CSNK2A1: variants seen among roughly 807,000 people sequenced by gnomAD.
CSNK2A1 encodes the protein casein kinase II subunit alpha.
A neutral mutation model predicts 62.9 loss-of-function variants in CSNK2A1; 10 were observed. That is an observed-to-expected ratio of 0.16 (90% confidence interval 0.10 to 0.27). The LOEUF (loss-of-function observed/expected upper bound fraction) is 0.27, where lower values mean the gene tolerates loss of function less well. Ranked by LOEUF, CSNK2A1 falls within the 10% of genes least tolerant of loss-of-function variation. The probability of loss-of-function intolerance (pLI) is 1.00; values close to 1 mark genes in which losing one functional copy is unlikely to be tolerated. For synonymous variants in CSNK2A1, 124 were observed against 167.8 expected (o/e 0.74, Z 2.02); for missense variants, 160 against 492.0 (o/e 0.33, Z 6.38).
At chr20:531,344 A>T (rs1202177683) in intron 1 of CSNK2A1, among the ~76,000 whole-genome samples, 1 of 152,164 alleles carries the variant, frequency 6.6e-6, no homozygotes, top group Non-Finnish European at 1.5e-5. Context: ...CAATGGAGAT[A>T]CCACACGTAA....
At chr20:534,873 CAAA>C (rs779243946) in intron 1 of CSNK2A1, among the ~76,000 whole-genome samples, 3 of 115,146 alleles carry the variant, frequency 2.6e-5, no homozygotes, top group Admixed American at 8.9e-5. Flanking sequence ...TACTAAAATA[CAAA>C]AAAAAAAAAA....
intron 6 of CSNK2A1, chr20:498,335 C>CTTTTTTTTTTTTTTTTTTT (rs11477158): frequency 1.7e-5 from 2 of 119,666 alleles, no homozygotes; most frequent in African/African-American, 6.4e-5. Flanking sequence ...ATGGACATAT[C>CTTTTTTTTTTTTTTTTTTT]TTTTTTTTTT....
rs464331 is a variant in CSNK2A1, at chr20:479,010, T to A, written c.*4951A>T. 0.31 allele frequency: 48,058 copies of A among 153,718 alleles called. 8,166 individuals are homozygous for A. Among genetic ancestry groups the A allele is most frequent in the East Asian group, 0.68 (3,490 of 5,168 alleles). The allele number at this position is 153,718 out of a possible 1,614,324, so 9.5% of individuals were successfully genotyped here. On this transcript the variant is annotated 3_prime_UTR_variant, in exon 14 of 14. Transcript: ENST00000217244. Reference sequence around the variant, plus strand: ...TTGTAATTTGCTACAGTGCAAAATATCTGGCTTTCCATAGAGGGAGTGGGA... The same window carrying A: ...TTGTAATTTGCTACAGTGCAAAATAACTGGCTTTCCATAGAGGGAGTGGGA...
chr20:486,496 T>G (rs758210939), intron 12 of CSNK2A1, 34 bp from the exon 13 acceptor site: 1 of 1,610,174 alleles, frequency 6.2e-7, no homozygotes, highest in Non-Finnish European at 8.5e-7. Context: ...GGTTCTGTTT[T>G]GCTTGAAAGA....
chr20:513,431 C>T (rs549470727), intron 2 of CSNK2A1, among the ~76,000 whole-genome samples: 1 of 152,344 alleles, frequency 6.6e-6, no homozygotes, highest in South Asian at 2.1e-4. Context: ...TAATTACTAT[C>T]CCCTAGCTCC....
At chr20:540,972 A>T (rs2019438378) in intron 1 of CSNK2A1, 1 of 152,174 alleles carries the variant, frequency 6.6e-6, no homozygotes, top group Non-Finnish European at 1.5e-5. Context: ...CAGGTTGTTG[A>T]CCAAATTCAG....
chr20:541,793 A>G (rs1311012452), intron 1 of CSNK2A1, among the ~76,000 whole-genome samples: 1 of 152,326 alleles, frequency 6.6e-6, no homozygotes. Flanking sequence ...CTAACTGTAT[A>G]ATCAGTTGAT....
intron 2 of CSNK2A1, among the ~76,000 whole-genome samples, chr20:515,918 G>A (rs1484917341): frequency 6.6e-6 from 1 of 152,162 alleles, no homozygotes; most frequent in Admixed American, 6.5e-5. Flanking sequence ...TTGAGTAATT[G>A]TTCCCTTCCC....
At chr20:505,682 T>A (rs1372993997) in intron 3 of CSNK2A1, among the ~76,000 whole-genome samples, 9 of 150,618 alleles carry the variant, frequency 6.0e-5, no homozygotes, top group Non-Finnish European at 7.4e-5. Flanking sequence ...TTTTTTTTTT[T>A]AAATTAGGCC....
At chr20:524,989 C>T (rs2019047283) in intron 2 of CSNK2A1, among the ~76,000 whole-genome samples, 1 of 151,642 alleles carries the variant, frequency 6.6e-6, no homozygotes, top group South Asian at 2.1e-4. Flanking sequence ...GGTGCATGCA[C>T]CTGTGTCCTA....
intron 8 of CSNK2A1, among the ~76,000 whole-genome samples, chr20:493,760 C>T (rs1568509871): frequency 6.6e-6 from 1 of 152,222 alleles, no homozygotes. Flanking sequence ...TCACCACACA[C>T]ATGTCCTGTG....
chr20:543,691 G>T lies in CSNK2A1; in HGVS notation c.-246C>A. 2.5e-6 allele frequency: 1 copy of T among 398,322 alleles called. No homozygotes were observed. The allele number at this position is 398,322 out of a possible 1,614,324, so 24.7% of individuals were successfully genotyped here. ...AGGTACCTGTGGTGGAAGCGGCAGC[G>T]GCGGCGGCCGCTCTCCCCTCTGCTC... On this transcript the variant is annotated 5_prime_UTR_variant, in exon 1 of 14. Coordinates refer to ENST00000217244, the MANE Select transcript of CSNK2A1 (RefSeq NM_177559.3).
intron 2 of CSNK2A1, among the ~76,000 whole-genome samples, chr20:509,175 T>G (rs2018666241): frequency 6.6e-6 from 1 of 152,214 alleles, no homozygotes; most frequent in Non-Finnish European, 1.5e-5. Context: ...CCATGTCATC[T>G]TATACCAATC....
chr20:530,611 C>T (rs2019193058), intron 1 of CSNK2A1, among the ~76,000 whole-genome samples: 1 of 151,888 alleles, frequency 6.6e-6, no homozygotes. Context: ...GTAGCTGGGA[C>T]TATGGGTGTG....
chr20:539,641 A>G (rs1269938209), intron 1 of CSNK2A1: 2 of 152,248 alleles, frequency 1.3e-5, no homozygotes, highest in Non-Finnish European at 2.9e-5. Flanking sequence ...CAGGGTTTAT[A>G]GTATGGAAAT....
At chr20:484,230 A>G in intron 13 of CSNK2A1, 154 bp from the exon 14 acceptor site, 1 of 575,038 alleles carries the variant, frequency 1.7e-6, no homozygotes, top group Non-Finnish European at 2.8e-6. Context: ...TGACCCTCAC[A>G]AATTCAAGTT....
intron 6 of CSNK2A1, 164 bp from the exon 7 acceptor site, chr20:497,944 A>C: frequency 1.7e-6 from 1 of 580,838 alleles, no homozygotes; most frequent in Middle Eastern, 4.4e-4. Flanking sequence ...CTTTAAAGAG[A>C]TACTTTGGGT....
At chr20:502,294 C>G (rs2018487114) in intron 4 of CSNK2A1, 1 of 152,184 alleles carries the variant, frequency 6.6e-6, no homozygotes, top group African/African-American at 2.4e-5. Context: ...CTATTCAGAT[C>G]TTTATAAACT....
chr20:495,448 TACTC>T (rs1476690842), intron 8 of CSNK2A1: 1 of 372,200 alleles, frequency 2.7e-6, no homozygotes, highest in Non-Finnish European at 5.0e-6. Context: ...GGAAACCAGT[TACTC>T]AATAAATAAG....
Sources: allele counts gnomAD v4.1 joint callset (sites outside exome capture counted in the v4.1 genomes callset), GRCh38; gene constraint gnomAD v4.1.1; transcripts MANE v1.5; gene names NCBI Gene and HGNC (gene_info 2026-07-23, HGNC 2026-07-21).